Variants in SHISA9 observed in about 807,000 individuals in gnomAD.
The protein encoded by SHISA9 is shisa family member 9, also known as protein shisa-9.
In SHISA9, 13 loss-of-function variants were observed where a neutral mutation model predicts 38.0. The ratio of observed to expected loss-of-function variants is 0.34; its 90% CI spans 0.22 to 0.54. The LOEUF is 0.54. SHISA9 is among the 20% of genes least tolerant of loss of function. SHISA9 has a pLI of 0.91. For missense variants in SHISA9, 538 were observed against 575.8 expected (o/e 0.93, Z 0.67); for synonymous variants, 275 against 242.0 (o/e 1.14, Z -1.27).
At chr16:13,387,100 C>T in the SHISA9 span, among the ~76,000 whole-genome samples, 1 of 152,134 alleles carries the variant, frequency 6.6e-6, no homozygotes, top group Non-Finnish European at 1.5e-5. Flanking sequence ...ATGTGTAATT[C>T]ACATATTATA....
chr16:13,422,299 A>T, the SHISA9 span, among the ~76,000 whole-genome samples: 53 of 152,238 alleles, frequency 3.5e-4, no homozygotes, highest in African/African-American at 7.7e-4. Context: ...ATTTTTTTTT[A>T]AAAAGTTATT....
At chr16:13,301,517 G>C in the SHISA9 span, among the ~76,000 whole-genome samples, 2 of 152,180 alleles carry the variant, frequency 1.3e-5, no homozygotes, top group South Asian at 4.1e-4. Flanking sequence ...GACATTTGGT[G>C]ATGCACAGGT....
At chr16:13,148,289 A>G (rs150067) in intron 2 of SHISA9, among the ~76,000 whole-genome samples, 10,644 of 151,926 alleles carry the variant, frequency 0.07, 394 homozygotes, top group Admixed American at 0.087. Flanking sequence ...TCCACCACAC[A>G]CTCACATAGG....
chr16:13,401,456 G>A, the SHISA9 span, among the ~76,000 whole-genome samples: 1 of 152,200 alleles, frequency 6.6e-6, no homozygotes, highest in African/African-American at 2.4e-5. Context: ...CTAAATGTCT[G>A]TGTTCCCCCA....
chr16:13,178,605 C>G (rs2050752008), intron 2 of SHISA9, among the ~76,000 whole-genome samples: 1 of 152,106 alleles, frequency 6.6e-6, no homozygotes, highest in African/African-American at 2.4e-5. Context: ...GAGAGTCCTC[C>G]CCGTCCCCAG....
chr16:13,217,621 T>C (rs908773320), intron 4 of SHISA9, among the ~76,000 whole-genome samples: 4 of 152,270 alleles, frequency 2.6e-5, no homozygotes, highest in Admixed American at 2.6e-4. Flanking sequence ...GGGCTTGGCT[T>C]GGTATATAAT....
In SHISA9 at chr16:13,203,549, G is replaced by A. The variant is rs1311517290; in HGVS notation, c.847G>A (p.Gly283Arg). 24 of 1,524,920 alleles carry A rather than the reference G, an allele frequency of 1.6e-5. No homozygotes were observed. Among genetic ancestry groups the A allele is most frequent in the Admixed American group, 2.2e-5 (1 of 46,442 alleles). 94.5% of individuals were successfully genotyped at this position (1,524,920 alleles called of 1,614,324 possible). A position where few individuals can be genotyped will look rare whatever the true frequency, so the allele number is the denominator to read the frequency against. Residue 283 changes from glycine (G) to arginine (R), a missense_variant and splice_region_variant, in exon 3 of 5, where the codon GGA becomes AGA. Around this residue, in one of 4 missense-constraint regions of SHISA9, gnomAD observed 326 missense variants for 305.9 expected, o/e 1.07. Coordinates refer to ENST00000558583, the MANE Select transcript of SHISA9 (RefSeq NM_001145204.3). ...CAAGTACGCCTCCTTAAAGGCAGTC[G>A]GTAAGTGCCACCTGATGGATCTTTT... is the stretch of plus-strand genomic sequence containing the variant. Reference protein sequence around the residue: ...LNKYASLKAVGSSDGDWAVST... With the variant: ...LNKYASLKAVRSSDGDWAVST...
chr16:13,014,629 G>C (rs9944313), intron 2 of SHISA9, among the ~76,000 whole-genome samples: 4,631 of 151,850 alleles, frequency 0.03, 223 homozygotes, highest in African/African-American at 0.11. Flanking sequence ...TCTCATCTCG[G>C]GTTACTGCTT....
chr16:13,469,374 AAAG>A, the SHISA9 span, among the ~76,000 whole-genome samples: 558 of 77,642 alleles, frequency 7.2e-3, 4 homozygotes, highest in East Asian at 0.049. Context: ...AAAAAGAAAG[AAAG>A]AAAGAAAGAA....
chr16:13,155,595 T>C (rs1234635675), intron 2 of SHISA9, among the ~76,000 whole-genome samples: 1 of 151,692 alleles, frequency 6.6e-6, no homozygotes, highest in Non-Finnish European at 1.5e-5. Flanking sequence ...GTGTGGTGTG[T>C]GTGTGTGTGT....
rs538813016 is a variant in SHISA9 at position 13,069,946 on chromosome 16, C to T, written c.692-133448C>T. Reference sequence around the variant, plus strand: ...GCCAGCACTTTAATCTTGGTCTTCCCGGCCTGCAGAACGGTGGGAAATCAA... The same window carrying T: ...GCCAGCACTTTAATCTTGGTCTTCCTGGCCTGCAGAACGGTGGGAAATCAA... On this transcript the variant is annotated intron_variant, in intron 2 of 4. Coordinates refer to ENST00000558583, the MANE Select transcript of SHISA9 (RefSeq NM_001145204.3). Among the ~76,000 whole-genome samples the T allele has an allele frequency of 1.1e-3, 171 of 152,202 alleles. 1 individual carries two copies. The South Asian group carries it at 0.013, about 11-fold the overall frequency.
At chr16:13,047,231 C>T (rs1028068992) in intron 2 of SHISA9, among the ~76,000 whole-genome samples, 3 of 151,912 alleles carry the variant, frequency 2.0e-5, no homozygotes, top group African/African-American at 7.3e-5. Flanking sequence ...TTAATAAATT[C>T]TTCTCTGCCC....
the SHISA9 span, among the ~76,000 whole-genome samples, chr16:13,284,727 A>T: frequency 6.6e-6 from 1 of 152,136 alleles, no homozygotes; most frequent in Admixed American, 6.6e-5. Flanking sequence ...TCTCCCAAGT[A>T]GCTGGGATTA....
the SHISA9 span, among the ~76,000 whole-genome samples, chr16:13,524,501 A>G: frequency 1.3e-5 from 2 of 152,198 alleles, no homozygotes; most frequent in Admixed American, 6.5e-5. Context: ...GCTAATCAAG[A>G]CAAGATTAAT....
In SHISA9 at chr16:13,236,892, T is replaced by A. The variant is rs972130526; in HGVS notation, c.*1483T>A. 1 of 152,202 alleles carries A rather than the reference T, an allele frequency of 6.6e-6. No individual in the cohort carries two copies. Among genetic ancestry groups the A allele is most frequent in the Admixed American group, 6.5e-5 (1 of 15,280 alleles). 9.4% of individuals were successfully genotyped at this position (152,202 alleles called of 1,614,324 possible). A position where few individuals can be genotyped will look rare whatever the true frequency, so the allele number is the denominator to read the frequency against. On this transcript the variant is annotated 3_prime_UTR_variant, in exon 5 of 5. Transcript: ENST00000558583. ...TCATGTGTTCATCTCCCATCCAGAATGTCCTGAGGTTGTTTTTCTGGTTGG... is the reference window on the plus strand; with the variant it reads ...TCATGTGTTCATCTCCCATCCAGAAAGTCCTGAGGTTGTTTTTCTGGTTGG...
chr16:13,203,272 T>A (rs2051023640), intron 2 of SHISA9, 122 bp from the exon 3 acceptor site: 1 of 925,386 alleles, frequency 1.1e-6, no homozygotes. Flanking sequence ...CCCTCTGCTG[T>A]TTTGCGACTT....
intron 2 of SHISA9, among the ~76,000 whole-genome samples, chr16:13,179,941 G>A (rs2050763228): frequency 1.3e-5 from 2 of 152,160 alleles, no homozygotes; most frequent in Admixed American, 6.5e-5. Context: ...GTTCCTTTAG[G>A]CTGATCTGGA....
the SHISA9 span, among the ~76,000 whole-genome samples, chr16:13,398,526 A>G: frequency 6.8e-6 from 1 of 146,464 alleles, no homozygotes; most frequent in African/African-American, 2.5e-5. Flanking sequence ...TTTGACACAG[A>G]TTCTTGCTCT....
At chr16:13,562,143 G>A in the SHISA9 span, among the ~76,000 whole-genome samples, 3 of 152,088 alleles carry the variant, frequency 2.0e-5, no homozygotes, top group East Asian at 1.9e-4. Context: ...TTTCCTTCCA[G>A]CACCTAATCA....
Sources: gnomAD v4.1 joint callset for allele counts (sites outside exome capture counted in the v4.1 genomes callset) on GRCh38, gnomAD v4.1.1 for gene constraint, gnomAD v4.1.1 regional missense constraint, MANE v1.5 for transcripts, NCBI Gene and HGNC (gene_info 2026-07-23, HGNC 2026-07-21) for gene names.